Variants in KRIT1 observed in about 807,000 individuals in gnomAD.
KRIT1 encodes KRIT1 ankyrin repeat containing.
Under a neutral mutation model 95.8 loss-of-function variants are expected in KRIT1, and 45 were observed. The observed-to-expected ratio is 0.47, with a 90% CI of 0.37 to 0.60. The LOEUF (loss-of-function observed/expected upper bound fraction) is 0.60, where lower values mean the gene tolerates loss of function less well. KRIT1 is among the 20% of genes least tolerant of loss of function. KRIT1 has a pLI of 0.00. For synonymous variants in KRIT1, 282 were observed against 278.8 expected (o/e 1.01, Z -0.11); for missense variants, 788 against 877.5 (o/e 0.90, Z 1.29).
intron 17 of KRIT1, among the ~76,000 whole-genome samples, chr7:92,211,486 A>G (rs1428644084): frequency 6.6e-6 from 1 of 152,154 alleles, no homozygotes; most frequent in Admixed American, 6.6e-5. Context: ...AGAGAGTTGA[A>G]TGATGATTAC....
rs143644029 is a variant in KRIT1 at position 92,213,352 on chromosome 7, C to T, written c.1868G>A (p.Arg623His). The T allele has an allele frequency of 3.8e-5, 61 of 1,613,316 alleles. No homozygotes were observed. In the East Asian group the frequency reaches 4.2e-4, roughly 11 times the overall value. Residue 623 changes from arginine to histidine, a missense_variant, in exon 17 of 19, where the codon CGC becomes CAC. Coordinates refer to ENST00000394505, the MANE Select transcript of KRIT1 (RefSeq NM_194454.3). ...TTCCCAGCAATTCTGTAAGAACATG[C>T]GCTGAAGGTGATGCATTTCTTTACT... Reference protein sequence around the residue: ...GVSKEMHHLQRMFLQNCWEIP... With the variant: ...GVSKEMHHLQHMFLQNCWEIP...
At chr7:92,216,825 A>G (rs1411314239) in intron 14 of KRIT1, among the ~76,000 whole-genome samples, 1 of 152,228 alleles carries the variant, frequency 6.6e-6, no homozygotes, top group Admixed American at 6.5e-5. Context: ...CTGACATCGT[A>G]TATTTGAAGA....
At chr7:92,240,920 G>T in intron 5 of KRIT1, 73 bp downstream of exon 5, 1 of 1,186,440 alleles carries the variant, frequency 8.4e-7, no homozygotes, top group Non-Finnish European at 1.3e-6. Context: ...GGTTTAATAT[G>T]TGTATATTTT....
chr7:92,223,371 G>A (rs1355063293), intron 12 of KRIT1, among the ~76,000 whole-genome samples: 1 of 150,344 alleles, frequency 6.7e-6, no homozygotes, highest in South Asian at 2.1e-4. Context: ...CGTGAACCCC[G>A]GGAGGAGCTT....
intron 17 of KRIT1, among the ~76,000 whole-genome samples, chr7:92,205,003 A>G (rs1317684773): frequency 6.6e-6 from 1 of 152,202 alleles, no homozygotes; most frequent in East Asian, 1.9e-4. Flanking sequence ...TAAAATGACT[A>G]AACTATGACT....
chr7:92,234,366 A>G lies in KRIT1; in HGVS notation c.989+83T>C, dbSNP rs758078578. The G allele has an allele frequency of 1.1e-4, 119 of 1,084,694 alleles. 1 individual carries two copies. The highest frequency in any genetic ancestry group is 9.2e-5 in the Admixed American group (5 of 54,218). The allele number at this position is 1,084,694 out of a possible 1,614,324, so 67.2% of individuals were successfully genotyped here. A position where few individuals can be genotyped will look rare whatever the true frequency, so the allele number is the denominator to read the frequency against. ...AGGTAGAGAAAAAGTATTTGGAATG[A>G]GAACAGTCTTGAAAAGAAGGACTAA... On this transcript the variant is annotated intron_variant, in intron 10 of 18. Coordinates refer to ENST00000394505, the MANE Select transcript of KRIT1 (RefSeq NM_194454.3).
intron 17 of KRIT1, among the ~76,000 whole-genome samples, chr7:92,204,325 G>A (rs867804684): frequency 5.9e-5 from 9 of 151,734 alleles, no homozygotes; most frequent in African/African-American, 1.2e-4. Context: ...CAAGGTGACC[G>A]CAAGAGAGCA....
intron 18 of KRIT1, 46 bp from the exon 19 acceptor site, chr7:92,200,850 T>A: frequency 3.0e-6 from 4 of 1,321,734 alleles, no homozygotes; most frequent in Non-Finnish European, 4.3e-6. Context: ...CATGTAAGAA[T>A]CTTTAAAGGA....
rs1348650457 is a variant in KRIT1, at chr7:92,241,103, TTC to T, written c.150_151del (p.Lys51SerfsTer12). ...TTGAAGTTTCGTTTCCAATAAAACT[TTC>T]TTTCTCTTTTTTTTCTGTCCTTCAA... On this transcript the variant is annotated frameshift_variant, in exon 5 of 19. Transcript: ENST00000394505. LOFTEE classifies it high-confidence loss of function. The T allele has an allele frequency of 6.2e-7, 1 of 1,611,572 alleles. No homozygotes were observed. Among genetic ancestry groups the T allele is most frequent in the Non-Finnish European group, 8.5e-7 (1 of 1,177,646 alleles).
rs1449231019 is a variant in KRIT1, at chr7:92,240,974, T to A, written c.262+19A>T. ...CAAGTATTTTAAACAATGTGTTTTT[T>A]AAAAAAGAAGTTTCCTACCTCTGAT... On this transcript the variant is annotated intron_variant, in intron 5 of 18. Transcript: ENST00000394505. The A allele has an allele frequency of 1.3e-6, 2 of 1,584,996 alleles. No individual in the cohort carries two copies. The highest frequency in any genetic ancestry group is 1.7e-6 in the Non-Finnish European group (2 of 1,153,786).
At position 92,201,212 on chromosome 7, in the gene KRIT1, G is replaced by GT. The variant is rs1180384434; in HGVS notation, c.2142+94dup. 3 of 748,042 alleles carry GT rather than the reference G, an allele frequency of 4.0e-6. No individual in the cohort carries two copies. In the African/African-American group the frequency reaches 5.2e-5, roughly 13 times the overall value. 46.3% of individuals were successfully genotyped at this position (748,042 alleles called of 1,614,324 possible). ...ATTTTAATTTCATGAAATATTACAG[G>GT]TTTTCCTTGAAGTTAAATGGATGTC... On this transcript the variant is annotated intron_variant, in intron 18 of 18. Coordinates refer to ENST00000394505, the MANE Select transcript of KRIT1 (RefSeq NM_194454.3).
At chr7:92,206,308 A>G (rs1791475473) in intron 17 of KRIT1, 1 of 152,228 alleles carries the variant, frequency 6.6e-6, no homozygotes. Flanking sequence ...TGGCGCCCAC[A>G]TGTACTATCT....
intron 3 of KRIT1, among the ~76,000 whole-genome samples, chr7:92,243,072 G>A (rs1274592014): frequency 2.0e-5 from 3 of 152,068 alleles, no homozygotes; most frequent in South Asian, 2.1e-4. Flanking sequence ...CACCTGCCTC[G>A]GCCTCCCAAA....
chr7:92,200,659 ATAT>A lies in KRIT1; in HGVS notation c.*74_*76del. 1 of 999,020 alleles carries A rather than the reference ATAT, an allele frequency of 1.0e-6. No homozygotes were observed. Among genetic ancestry groups the A allele is most frequent in the Non-Finnish European group, 1.6e-6 (1 of 626,048 alleles). 61.9% of individuals were successfully genotyped at this position (999,020 alleles called of 1,614,324 possible). The stretch of plus-strand genomic sequence containing the variant: ...GAGCCACCATGCTCGGCCAAAAGTA[ATAT>A]TTTAAGAAATCTTTCACGGAAAAAA... On this transcript the variant is annotated 3_prime_UTR_variant, in exon 19 of 19. Coordinates refer to ENST00000394505, the MANE Select transcript of KRIT1 (RefSeq NM_194454.3).
chr7:92,232,252 TTTA>T (rs763102320), intron 10 of KRIT1, among the ~76,000 whole-genome samples: 2 of 152,110 alleles, frequency 1.3e-5, no homozygotes, highest in Non-Finnish European at 2.9e-5. Context: ...AAAGCCAAGA[TTTA>T]TTGAGTGCTC....
Position 92,237,725 on chromosome 7 carries a change from C to A in KRIT1, c.297G>T (p.Leu99=), listed in dbSNP as rs201500105. 6.2e-7 allele frequency: 1 copy of A among 1,608,528 alleles called. No individual in the cohort carries two copies. The highest frequency in any genetic ancestry group is 1.3e-5 in the African/African-American group (1 of 74,876). The change falls in exon 6 of 19, where the codon CTG becomes CTT. Residue 99 remains leucine (L), a synonymous_variant. Transcript: ENST00000394505. ...KRVVLMKKFP[L]DGEKMGREAS... is the part of the protein sequence containing the mutation. ...CTTCTCTGCCCATCTTCTCTCCATC[C>A]AGAGGAAATTTTTTCATTAGTACAA...
chr7:92,207,206 T>C (rs1159511954), intron 17 of KRIT1, among the ~76,000 whole-genome samples: 1 of 152,114 alleles, frequency 6.6e-6, no homozygotes, highest in Admixed American at 6.5e-5. Context: ...AGGCATGTTA[T>C]AGTCAAACTG....
chr7:92,208,507 A>G (rs1165893886), intron 17 of KRIT1, among the ~76,000 whole-genome samples: 1 of 152,286 alleles, frequency 6.6e-6, no homozygotes, highest in East Asian at 1.9e-4. Flanking sequence ...AATAAACAAA[A>G]TCATAAATGA....
chr7:92,203,836 G>A (rs1178177521), intron 17 of KRIT1, among the ~76,000 whole-genome samples: 1 of 152,080 alleles, frequency 6.6e-6, no homozygotes, highest in Non-Finnish European at 1.5e-5. Flanking sequence ...AATGGTGGGG[G>A]GCATTTCTCC....
Sources: gnomAD v4.1 joint callset for allele counts (sites outside exome capture counted in the v4.1 genomes callset) on GRCh38, gnomAD v4.1.1 for gene constraint, MANE v1.5 for transcripts, NCBI Gene and HGNC (gene_info 2026-07-23, HGNC 2026-07-21) for gene names.